KPNA1: variants seen among roughly 807,000 people sequenced by gnomAD.
KPNA1 encodes the protein karyopherin subunit alpha 1.
KPNA1 carries 10 observed loss-of-function variants against 70.5 expected under a neutral mutation model. The observed-to-expected ratio is 0.14, with a 90% CI of 0.09 to 0.24. KPNA1 has a LOEUF of 0.24. Among genes scored for constraint, KPNA1 ranks in the 10% least tolerant of loss-of-function variants. The pLI is 1.00. For missense variants in KPNA1, 397 were observed against 637.9 expected (o/e 0.62, Z 4.07); for synonymous variants, 192 against 221.9 (o/e 0.87, Z 1.20).
chr3:122,497,637 T>C (rs1026305647), intron 1 of KPNA1, among the ~76,000 whole-genome samples: 5 of 152,212 alleles, frequency 3.3e-5, no homozygotes, highest in Non-Finnish European at 5.9e-5. Context: ...TGGCAACTCA[T>C]TGTGGTTTTG....
At chr3:122,489,931 T>C (rs2076678630) in intron 2 of KPNA1, among the ~76,000 whole-genome samples, 1 of 152,240 alleles carries the variant, frequency 6.6e-6, no homozygotes, top group African/African-American at 2.4e-5. Context: ...AGCTCATTAA[T>C]CTCCACTACT....
intron 6 of KPNA1, among the ~76,000 whole-genome samples, 171 bp from the exon 7 acceptor site, chr3:122,452,235 T>C (rs916920391): frequency 6.6e-6 from 1 of 152,114 alleles, no homozygotes; most frequent in Non-Finnish European, 1.5e-5. Context: ...CAGAAGGTAT[T>C]CGGTTTATTA....
intron 10 of KPNA1, among the ~76,000 whole-genome samples, chr3:122,440,039 G>A (rs1248080088): frequency 6.6e-6 from 1 of 152,156 alleles, no homozygotes; most frequent in Non-Finnish European, 1.5e-5. Context: ...TGAAACTTGA[G>A]ATAGGTCAGA....
At chr3:122,513,082 TAAATA>T (rs912371692) in intron 1 of KPNA1, among the ~76,000 whole-genome samples, 1 of 152,198 alleles carries the variant, frequency 6.6e-6, no homozygotes, top group African/African-American at 2.4e-5. Context: ...TTGAACGGAT[TAAATA>T]AAGAAAACAA....
Position 122,427,053 on chromosome 3 carries a change from C to T in KPNA1, c.1549G>A (p.Val517Ile). The T allele has an allele frequency of 6.2e-7, 1 of 1,614,138 alleles. No individual in the cohort carries two copies. The highest frequency in any genetic ancestry group is 2.2e-5 in the East Asian group (1 of 44,884). The change falls in exon 14 of 14, where the codon GTT becomes ATT. Residue 517 changes from valine to isoleucine, a missense_variant. Val to Ile is a conservative substitution (Grantham distance 29, BLOSUM62 3). Transcript: ENST00000344337. Reference protein sequence around the residue: ...EDEDSSIAPQVDLNQQQYIFQ... With the variant: ...EDEDSSIAPQIDLNQQQYIFQ... ...ATGTACTGCTGCTGGTTAAGGTCAACCTGGGGTGCAATGCTGCTGTCTTCA... is the reference window on the plus strand; with the variant it reads ...ATGTACTGCTGCTGGTTAAGGTCAATCTGGGGTGCAATGCTGCTGTCTTCA...
chr3:122,511,270 T>C (rs1183849648), intron 1 of KPNA1, among the ~76,000 whole-genome samples: 1 of 152,110 alleles, frequency 6.6e-6, no homozygotes, highest in African/African-American at 2.4e-5. Flanking sequence ...ACAGAGTATA[T>C]AGGCACTCAT....
intron 12 of KPNA1, chr3:122,432,876 T>C (rs1488346644): frequency 6.6e-6 from 1 of 152,258 alleles, no homozygotes; most frequent in African/African-American, 2.4e-5. Flanking sequence ...AGCTCCGGAA[T>C]TCAAGATCAG....
At chr3:122,490,154 G>C in intron 2 of KPNA1, among the ~76,000 whole-genome samples, 1 of 152,210 alleles carries the variant, frequency 6.6e-6, no homozygotes, top group Non-Finnish European at 1.5e-5. Context: ...GAAAGCCTTT[G>C]AAGATTTTCA....
intron 9 of KPNA1, among the ~76,000 whole-genome samples, chr3:122,446,767 G>C (rs1019187184): frequency 1.1e-4 from 17 of 152,104 alleles, no homozygotes; most frequent in African/African-American, 3.9e-4. Flanking sequence ...AAAATTGATA[G>C]ACCGCTAGCA....
chr3:122,457,358 G>T (rs1268521996), intron 5 of KPNA1, among the ~76,000 whole-genome samples: 1 of 151,054 alleles, frequency 6.6e-6, no homozygotes, highest in Non-Finnish European at 1.5e-5. Context: ...ATTAATTAAA[G>T]TAAGCAACCC....
chr3:122,431,003 A>G (rs1046775363), intron 12 of KPNA1, among the ~76,000 whole-genome samples: 1 of 152,172 alleles, frequency 6.6e-6, no homozygotes, highest in African/African-American at 2.4e-5. Context: ...TCTCCCCTCC[A>G]AAACTGCCAA....
chr3:122,512,385 T>C (rs1319671638), intron 1 of KPNA1, among the ~76,000 whole-genome samples: 1 of 152,250 alleles, frequency 6.6e-6, no homozygotes, highest in Non-Finnish European at 1.5e-5. Context: ...GTATATTAAA[T>C]CATAGTTCTG....
At chr3:122,507,102 C>T (rs2076898456) in intron 1 of KPNA1, among the ~76,000 whole-genome samples, 1 of 152,124 alleles carries the variant, frequency 6.6e-6, no homozygotes, top group African/African-American at 2.4e-5. Flanking sequence ...AAAAACCCAA[C>T]CTACACTATT....
chr3:122,464,605 C>A (rs2076360681), intron 3 of KPNA1, among the ~76,000 whole-genome samples: 1 of 152,176 alleles, frequency 6.6e-6, no homozygotes, highest in Non-Finnish European at 1.5e-5. Context: ...CTGTATAAAT[C>A]CAGCCACTGC....
At chr3:122,514,381 C>T (rs563857616) in intron 1 of KPNA1, 2 of 151,876 alleles carry the variant, frequency 1.3e-5, no homozygotes, top group African/African-American at 4.8e-5. Flanking sequence ...GCCTCCCGCC[C>T]GCCGCCCGGC....
intron 9 of KPNA1, chr3:122,442,670 G>GAA (rs2076079820): frequency 6.6e-6 from 1 of 152,206 alleles, no homozygotes; most frequent in Non-Finnish European, 1.5e-5. Context: ...TTTGAAGACA[G>GAA]ATATTAAGTC....
intron 2 of KPNA1, among the ~76,000 whole-genome samples, chr3:122,482,360 T>C (rs372611946): frequency 8.2e-4 from 125 of 152,348 alleles, no homozygotes; most frequent in African/African-American, 2.8e-3. Context: ...CATAGTTATA[T>C]AGTACATGAC....
chr3:122,499,743 T>C (rs370477086), intron 1 of KPNA1, among the ~76,000 whole-genome samples: 3 of 148,752 alleles, frequency 2.0e-5, no homozygotes, highest in Non-Finnish European at 1.5e-5. Context: ...TGGGTGACAG[T>C]GAAACCCTGT....
At chr3:122,456,825 T>C (rs1038066892) in intron 5 of KPNA1, among the ~76,000 whole-genome samples, 7 of 152,308 alleles carry the variant, frequency 4.6e-5, no homozygotes, top group South Asian at 2.1e-4. Context: ...TTATTGGGGA[T>C]AGAAGTAGAT....
Sources: gnomAD v4.1 joint callset for allele counts (sites outside exome capture counted in the v4.1 genomes callset) on GRCh38, gnomAD v4.1.1 for gene constraint, MANE v1.5 for transcripts, NCBI Gene and HGNC (gene_info 2026-07-23, HGNC 2026-07-21) for gene names.